The following GMDS variants were observed in gnomAD, a reference collection of about 807,000 sequenced individuals.
GMDS encodes GDP-mannose 4,6-dehydratase.
A neutral mutation model predicts 49.9 loss-of-function variants in GMDS; 20 were observed. That is an observed-to-expected ratio of 0.40 (90% CI 0.28 to 0.58). The LOEUF is 0.58. Ranked by LOEUF, GMDS falls within the 20% of genes least tolerant of loss-of-function variation. The probability of loss-of-function intolerance (pLI) is 0.42; values close to 1 mark genes in which losing one functional copy is unlikely to be tolerated. For synonymous variants in GMDS, 177 were observed against 178.6 expected, an observed-to-expected ratio of 0.99 and a Z score of 0.07; for missense variants, 362 against 481.4, an observed-to-expected ratio of 0.75 and a Z score of 2.32.
At chr6:1,697,058 T>C (rs777600299) in intron 9 of GMDS, among the ~76,000 whole-genome samples, 9 of 152,190 alleles carry the variant, frequency 5.9e-5, no homozygotes, top group Non-Finnish European at 1.3e-4. Flanking sequence ...TGTCACACCG[T>C]AGGAGCCCAA....
At chr6:1,646,904 C>G (rs1763502715) in intron 9 of GMDS, among the ~76,000 whole-genome samples, 1 of 152,108 alleles carries the variant, frequency 6.6e-6, no homozygotes, top group Non-Finnish European at 1.5e-5. Flanking sequence ...GAGGTTAGTT[C>G]AAAAGCCAGG....
At chr6:1,649,233 G>C (rs1024327244) in intron 9 of GMDS, among the ~76,000 whole-genome samples, 1 of 152,132 alleles carries the variant, frequency 6.6e-6, no homozygotes, top group African/African-American at 2.4e-5. Flanking sequence ...GTACTAGGAA[G>C]ACATTAGCCG....
rs892493173 is a variant in GMDS, at chr6:1,727,049, C to T, written c.891-537G>A. ...TCACATACAAGTTCTCCTGCTCTCC[C>T]GTCAATGGTGGGCCCCCTTAGTAAG... On this transcript the variant is annotated intron_variant, in intron 8 of 10. Coordinates refer to ENST00000380815, the MANE Select transcript of GMDS (RefSeq NM_001500.4). Among the ~76,000 whole-genome samples, 9 of 152,208 alleles carry T rather than the reference C, an allele frequency of 5.9e-5. No homozygotes were observed. In the South Asian group the frequency reaches 8.3e-4, roughly 14 times the overall value.
At chr6:1,711,111 C>T (rs2113392676) in intron 9 of GMDS, among the ~76,000 whole-genome samples, 1 of 152,302 alleles carries the variant, frequency 6.6e-6, no homozygotes, top group East Asian at 1.9e-4. Context: ...GAGCATTTTC[C>T]CCTGGGGGGA....
At chr6:2,151,993 T>C (rs541509325) in intron 1 of GMDS, among the ~76,000 whole-genome samples, 30 of 152,132 alleles carry the variant, frequency 2.0e-4, no homozygotes, top group Non-Finnish European at 4.0e-4. Flanking sequence ...CTGTACCAGG[T>C]TTTCAAATTA....
chr6:1,671,282 G>A (rs1446688063), intron 9 of GMDS, among the ~76,000 whole-genome samples: 2 of 152,180 alleles, frequency 1.3e-5, no homozygotes, highest in Non-Finnish European at 1.5e-5. Context: ...TCATGTTGGT[G>A]CATGTGTTCA....
chr6:1,794,520 T>C (rs536666577), intron 7 of GMDS, among the ~76,000 whole-genome samples: 3 of 152,328 alleles, frequency 2.0e-5, no homozygotes, highest in Admixed American at 1.3e-4. Flanking sequence ...AGGTCAAATC[T>C]GGTACTGAGA....
intron 9 of GMDS, among the ~76,000 whole-genome samples, chr6:1,711,282 G>A (rs1382687343): frequency 2.0e-5 from 3 of 152,226 alleles, no homozygotes; most frequent in Admixed American, 2.0e-4. Flanking sequence ...TCCCTGCAGA[G>A]TCCTACGTTT....
chr6:1,653,111 C>G (rs567120985), intron 9 of GMDS, among the ~76,000 whole-genome samples: 136 of 152,006 alleles, frequency 8.9e-4, no homozygotes, highest in African/African-American at 3.0e-3. Flanking sequence ...TCCACAGACC[C>G]CCGTGGCACG....
At chr6:1,881,815 A>G (rs1156336498) in intron 7 of GMDS, among the ~76,000 whole-genome samples, 2 of 152,208 alleles carry the variant, frequency 1.3e-5, no homozygotes, top group Non-Finnish European at 2.9e-5. Flanking sequence ...GGATGAAGCA[A>G]AAGACATCAC....
At chr6:1,967,475 A>G (rs1198412329) in intron 4 of GMDS, among the ~76,000 whole-genome samples, 2 of 152,240 alleles carry the variant, frequency 1.3e-5, no homozygotes, top group African/African-American at 4.8e-5. Flanking sequence ...TGATAATTTA[A>G]TATTACTGAA....
chr6:2,049,042 C>A (rs545562012), intron 4 of GMDS, among the ~76,000 whole-genome samples: 25 of 152,210 alleles, frequency 1.6e-4, no homozygotes, highest in African/African-American at 6.0e-4. Context: ...TCTCTCCCTG[C>A]CACATGGGGA....
At chr6:1,973,755 G>A (rs1764743627) in intron 4 of GMDS, among the ~76,000 whole-genome samples, 1 of 152,116 alleles carries the variant, frequency 6.6e-6, no homozygotes, top group South Asian at 2.1e-4. Context: ...AATAACCTTG[G>A]CATCTAAATA....
intron 4 of GMDS, among the ~76,000 whole-genome samples, chr6:2,054,698 C>T (rs1231771868): frequency 6.6e-6 from 1 of 151,926 alleles, no homozygotes; most frequent in Non-Finnish European, 1.5e-5. Flanking sequence ...TTTCAGTTAC[C>T]ACCCATGAGT....
At chr6:2,232,541 C>T (rs964179791) in intron 1 of GMDS, among the ~76,000 whole-genome samples, 2 of 152,148 alleles carry the variant, frequency 1.3e-5, no homozygotes, top group South Asian at 2.1e-4. Context: ...GTCATCTTAC[C>T]GTCCACCATC....
At chr6:2,055,944 G>A (rs1436422626) in intron 4 of GMDS, among the ~76,000 whole-genome samples, 1 of 152,010 alleles carries the variant, frequency 6.6e-6, no homozygotes, top group African/African-American at 2.4e-5. Context: ...TAATTTTTCA[G>A]TTTAAAGAAA....
intron 4 of GMDS, among the ~76,000 whole-genome samples, chr6:1,972,410 T>C (rs1043498964): frequency 2.6e-5 from 4 of 152,086 alleles, no homozygotes; most frequent in Non-Finnish European, 4.4e-5. Flanking sequence ...GATTTCTGTA[T>C]AAGAAAATGG....
At chr6:2,063,744 A>C (rs1174675486) in intron 4 of GMDS, among the ~76,000 whole-genome samples, 1 of 152,214 alleles carries the variant, frequency 6.6e-6, no homozygotes, top group Non-Finnish European at 1.5e-5. Flanking sequence ...AGGTCTCGGC[A>C]GCCCTAAATA....
At chr6:1,666,211 G>C (rs946929499) in intron 9 of GMDS, among the ~76,000 whole-genome samples, 3 of 152,196 alleles carry the variant, frequency 2.0e-5, no homozygotes, top group Admixed American at 6.5e-5. Flanking sequence ...GTCGCTCTGA[G>C]ATCCTAGAGA....
Sources: allele counts gnomAD v4.1 joint callset (sites outside exome capture counted in the v4.1 genomes callset), GRCh38; gene constraint gnomAD v4.1.1; transcripts MANE v1.5; gene names NCBI Gene and HGNC (gene_info 2026-07-23, HGNC 2026-07-21).